OPN5: variants seen among roughly 807,000 people sequenced by gnomAD.
OPN5 encodes opsin 5.
A neutral mutation model predicts 41.7 loss-of-function variants in OPN5; 18 were observed. The observed-to-expected ratio is 0.43, with a 90% CI of 0.30 to 0.64. The LOEUF (loss-of-function observed/expected upper bound fraction) is 0.64, where lower values mean the gene tolerates loss of function less well. Among genes scored for constraint, OPN5 ranks in the 30% least tolerant of loss-of-function variants. The probability of loss-of-function intolerance (pLI) is 0.13; values close to 1 mark genes in which losing one functional copy is unlikely to be tolerated. For synonymous variants in OPN5, 178 were observed against 164.3 expected (o/e 1.08, Z -0.64); for missense variants, 318 against 434.5 (o/e 0.73, Z 2.38).
At chr6:47,812,327 G>T (rs1053641920) in intron 6 of OPN5, among the ~76,000 whole-genome samples, 3 of 152,106 alleles carry the variant, frequency 2.0e-5, no homozygotes, top group African/African-American at 7.2e-5. Context: ...AGTAATTTCC[G>T]CTGATGATAA....
intron 6 of OPN5, among the ~76,000 whole-genome samples, chr6:47,817,306 A>AT (rs1437521696): frequency 1.4e-4 from 22 of 152,090 alleles, no homozygotes; most frequent in Non-Finnish European, 2.4e-4. Flanking sequence ...CTTACTGTAG[A>AT]TTTTTTCTGG....
intron 4 of OPN5, among the ~76,000 whole-genome samples, chr6:47,798,020 G>T (rs1258045710): frequency 6.6e-6 from 1 of 151,690 alleles, no homozygotes; most frequent in African/African-American, 2.4e-5. Flanking sequence ...ACTTGGACTG[G>T]GTAGATCAAA....
rs571652024 is a variant in OPN5, at chr6:47,817,526, A to G, written c.1056+5795A>G. Among the ~76,000 whole-genome samples the G allele has an allele frequency of 1.3e-4, 20 of 152,206 alleles. 1 individual carries two copies. In the South Asian group the frequency reaches 3.9e-3, roughly 30 times the overall value. On this transcript the variant is annotated intron_variant, in intron 6 of 6. Coordinates refer to ENST00000371211, the Ensembl canonical transcript of OPN5. ...GGGTGGTTTAAATCCTTGTTACCCA[A>G]AATGTAGTCTGCAGACCCAGAGCTT... is the stretch of plus-strand genomic sequence containing the variant.
chr6:47,825,347 A>C (rs1369171165), downstream of OPN5: 1 of 152,202 alleles, frequency 6.6e-6, no homozygotes, highest in Non-Finnish European at 1.5e-5. Context: ...GAGAGAAGTT[A>C]GGGAGAATTT....
At chr6:47,813,915 T>C (rs913715772) in intron 6 of OPN5, among the ~76,000 whole-genome samples, 2 of 151,858 alleles carry the variant, frequency 1.3e-5, no homozygotes, top group African/African-American at 4.8e-5. Flanking sequence ...GTGAATGGGA[T>C]GGGGGAGAGA....
At chr6:47,814,138 C>T (rs1189484651) in intron 6 of OPN5, among the ~76,000 whole-genome samples, 1 of 151,180 alleles carries the variant, frequency 6.6e-6, no homozygotes, top group African/African-American at 2.4e-5. Context: ...TTTTAAATGA[C>T]CTGAAGAAAG....
At chr6:47,797,818 G>A (rs1773625686) in intron 4 of OPN5, among the ~76,000 whole-genome samples, 2 of 152,078 alleles carry the variant, frequency 1.3e-5, no homozygotes, top group South Asian at 4.1e-4. Context: ...GTTTCTCCCA[G>A]TTTGTTACCC....
exon 1 of OPN5, chr6:47,782,172 G>A (rs1233419496): frequency 6.2e-7 from 1 of 1,613,562 alleles, no homozygotes; most frequent in Non-Finnish European, 8.5e-7. Context: ...GGATTTAGTG[G>A]CTGGCTTTTA....
At chr6:47,790,681 T>C (rs2113954952) in intron 2 of OPN5, among the ~76,000 whole-genome samples, 1 of 152,368 alleles carries the variant, frequency 6.6e-6, no homozygotes, top group South Asian at 2.1e-4. Flanking sequence ...TACATCATTC[T>C]TTAAAATGTG....
At chr6:47,806,943 A>G (rs1554140822) in intron 4 of OPN5, among the ~76,000 whole-genome samples, 1 of 152,152 alleles carries the variant, frequency 6.6e-6, no homozygotes, top group Non-Finnish European at 1.5e-5. Context: ...GGATCACCTA[A>G]GGTCGGGAGT....
rs1353484930 is a variant in OPN5, at chr6:47,787,093, G to A, written c.250+459G>A. On this transcript the variant is annotated intron_variant, in intron 2 of 6. Coordinates refer to ENST00000371211, the Ensembl canonical transcript of OPN5. The stretch of plus-strand genomic sequence containing the variant: ...AGTTGAAGGCAGTTGAGAGGTGAAT[G>A]TAGGAAGAGGAAAGAGGTGCCCTGC... The A allele has an allele frequency of 4.1e-6, 4 of 983,234 alleles. No homozygotes were observed. The East Asian group carries it at 4.5e-4, about 111-fold the overall frequency. The allele number at this position is 983,234 out of a possible 1,614,324, so 60.9% of individuals were successfully genotyped here. A position where few individuals can be genotyped will look rare whatever the true frequency, so the allele number is the denominator to read the frequency against.
intron 1 of OPN5, among the ~76,000 whole-genome samples, chr6:47,782,780 A>G (rs1773118218): frequency 6.6e-6 from 1 of 152,170 alleles, no homozygotes; most frequent in African/African-American, 2.4e-5. Flanking sequence ...CCGGGGTCAA[A>G]AGATTTTTGT....
At chr6:47,787,910 T>C (rs1227308198) in intron 2 of OPN5, among the ~76,000 whole-genome samples, 2 of 152,142 alleles carry the variant, frequency 1.3e-5, no homozygotes, top group Non-Finnish European at 2.9e-5. Flanking sequence ...AAAAAGAGTT[T>C]TCCGATATTT....
At chr6:47,808,011 T>C in intron 4 of OPN5, 143 bp from the exon 5 acceptor site, 1 of 778,182 alleles carries the variant, frequency 1.3e-6, no homozygotes, top group South Asian at 1.7e-5. Context: ...TATGAAATGA[T>C]TCCTATGTAC....
At chr6:47,803,037 G>A (rs1276828771) in intron 4 of OPN5, among the ~76,000 whole-genome samples, 5 of 152,104 alleles carry the variant, frequency 3.3e-5, no homozygotes, top group African/African-American at 1.2e-4. Context: ...GTACACCAAA[G>A]ATGTCAGAAA....
intron 5 of OPN5, among the ~76,000 whole-genome samples, chr6:47,808,680 C>A (rs1274570977): frequency 6.6e-6 from 1 of 152,126 alleles, no homozygotes. Context: ...TTATGCATGG[C>A]TCGTACATTG....
chr6:47,808,068 C>T, intron 4 of OPN5, 86 bp from the exon 5 acceptor site: 1 of 1,312,996 alleles, frequency 7.6e-7, no homozygotes, highest in Non-Finnish European at 1.1e-6. Flanking sequence ...TGAGAGGTGA[C>T]CTGATCCTTC....
chr6:47,808,042 C>T (rs1299420803), intron 4 of OPN5, 112 bp from the exon 5 acceptor site: 4 of 964,902 alleles, frequency 4.1e-6, no homozygotes, highest in Non-Finnish European at 6.5e-6. Flanking sequence ...AAAACAATGA[C>T]AGACTTTCTT....
intron 3 of OPN5, among the ~76,000 whole-genome samples, chr6:47,794,348 C>T (rs1773476919): frequency 6.6e-6 from 1 of 152,192 alleles, no homozygotes; most frequent in African/African-American, 2.4e-5. Flanking sequence ...TCCTGGCCCT[C>T]TTCGTTCGAG....
Sources: allele counts gnomAD v4.1 joint callset (sites outside exome capture counted in the v4.1 genomes callset), GRCh38; gene constraint gnomAD v4.1.1; transcripts MANE v1.5; gene names NCBI Gene and HGNC (gene_info 2026-07-23, HGNC 2026-07-21).